FEZ2: variants seen among roughly 807,000 people sequenced by gnomAD.
FEZ2 encodes fasciculation and elongation protein zeta-2.
A neutral mutation model predicts 40.4 loss-of-function variants in FEZ2; 51 were observed. That is an observed-to-expected ratio of 1.26 (90% CI 1.01 to 1.59). The LOEUF (loss-of-function observed/expected upper bound fraction) is 1.59, where lower values mean the gene tolerates loss of function less well. Among genes scored for constraint, FEZ2 ranks in the 40% most tolerant of loss-of-function variants. The pLI is 0.00. For missense variants in FEZ2, 640 were observed against 438.3 expected (o/e 1.46, Z -4.11); for synonymous variants, 242 against 172.0 (o/e 1.41, Z -3.18).
At chr2:36,581,518 A>G in intron 3 of FEZ2, 87 bp from the exon 4 acceptor site, 1 of 1,171,448 alleles carries the variant, frequency 8.5e-7, no homozygotes, top group Middle Eastern at 2.0e-4. Flanking sequence ...AGGCACCCAG[A>G]GCAGAAATGC....
intron 2 of FEZ2, among the ~76,000 whole-genome samples, chr2:36,586,911 A>C (rs1668917516): frequency 6.6e-6 from 1 of 152,036 alleles, no homozygotes; most frequent in Admixed American, 6.6e-5. Flanking sequence ...GCGCCACTGT[A>C]CTCCAGCCTG....
chr2:36,581,498 T>C (rs566193808), intron 3 of FEZ2, 67 bp from the exon 4 acceptor site: 1 of 1,458,254 alleles, frequency 6.9e-7, no homozygotes, highest in East Asian at 2.3e-5. Context: ...TGGAACACAG[T>C]GCTCACCTAA....
chr2:36,565,998 T>A (rs1012240236), intron 5 of FEZ2, among the ~76,000 whole-genome samples: 4 of 152,188 alleles, frequency 2.6e-5, no homozygotes, highest in Non-Finnish European at 4.4e-5. Flanking sequence ...GGATGGTTCA[T>A]CATTCAATCT....
chr2:36,555,767 G>A lies in FEZ2; in HGVS notation c.980-19C>T, dbSNP rs774545070. 3.5e-6 allele frequency: 5 copies of A among 1,447,364 alleles called. No individual in the cohort carries two copies. In the African/African-American group the frequency reaches 5.8e-5, roughly 17 times the overall value. 89.7% of individuals were successfully genotyped at this position (1,447,364 alleles called of 1,614,324 possible). On this transcript the variant is annotated intron_variant, in intron 6 of 7. Transcript: ENST00000405912. ...CGAAGAACTGCAAAATAGAAGAGGGGAAAAAAGACAACAATTAAAAATTTA... is the reference window on the plus strand; with the variant it reads ...CGAAGAACTGCAAAATAGAAGAGGGAAAAAAAGACAACAATTAAAAATTTA...
chr2:36,576,453 T>A (rs1399547580), intron 5 of FEZ2, among the ~76,000 whole-genome samples: 1 of 152,116 alleles, frequency 6.6e-6, no homozygotes, highest in Non-Finnish European at 1.5e-5. Context: ...TATTTTTTAG[T>A]AGAAACGGAG....
chr2:36,559,035 A>G (rs1668027140), intron 5 of FEZ2: 1 of 152,218 alleles, frequency 6.6e-6, no homozygotes, highest in African/African-American at 2.4e-5. Context: ...TTCTTTCAGA[A>G]GCTAACAAAG....
At chr2:36,576,555 G>C (rs1424686894) in intron 5 of FEZ2, among the ~76,000 whole-genome samples, 1 of 152,222 alleles carries the variant, frequency 6.6e-6, no homozygotes, top group African/African-American at 2.4e-5. Context: ...ACAGGCGTGA[G>C]CCACCGCGCC....
chr2:36,571,586 T>C lies in FEZ2; in HGVS notation c.903+7011A>G, dbSNP rs1181100852. The stretch of plus-strand genomic sequence containing the variant: ...AGGAGAACCGCTTGAACCCAGGAGG[T>C]AGAGGCTGCAGTGGGCCCAGATGGC... On this transcript the variant is annotated intron_variant, in intron 5 of 7. Coordinates refer to ENST00000405912, the MANE Select transcript of FEZ2 (RefSeq NM_005102.3). 2.0e-5 allele frequency among the ~76,000 whole-genome samples: 3 copies of C among 148,516 alleles called. No individual in the cohort carries two copies. The East Asian group carries it at 6.1e-4, about 30-fold the overall frequency.
At chr2:36,597,756 G>C in intron 1 of FEZ2, 121 bp downstream of exon 1, 1 of 702,500 alleles carries the variant, frequency 1.4e-6, no homozygotes, top group Non-Finnish European at 2.0e-6. Flanking sequence ...AGGCGAGAGG[G>C]CGGGGACTCC....
At chr2:36,586,105 T>C (rs570254785) in intron 2 of FEZ2, among the ~76,000 whole-genome samples, 18 of 152,230 alleles carry the variant, frequency 1.2e-4, no homozygotes, top group Middle Eastern at 3.4e-3. Context: ...GAGACTAGGC[T>C]CTTGATGAGA....
At chr2:36,581,866 T>A (rs1668759718) in intron 3 of FEZ2, among the ~76,000 whole-genome samples, 1 of 152,092 alleles carries the variant, frequency 6.6e-6, no homozygotes, top group Admixed American at 6.5e-5. Context: ...TGACATAAAA[T>A]TTATAAAATA....
At position 36,583,359 on chromosome 2, in the gene FEZ2, T is replaced by C. The variant is rs780353747; in HGVS notation, c.486A>G (p.Ala162=). Residue 162 remains alanine, a synonymous_variant, in exon 3 of 8, where the codon GCA becomes GCG. Transcript: ENST00000405912. The stretch of plus-strand genomic sequence containing the variant: ...CTGAGGATCTCCTCTATACCTGGTC[T>C]GCCGTGAAGAGGGGTTCATCATTAA... The part of the protein sequence containing the change: ...SCVNDEPLFT[A]DQVIEEIEEM... 1 of 1,545,740 alleles carries C rather than the reference T, an allele frequency of 6.5e-7. No homozygotes were observed. Among genetic ancestry groups the C allele is most frequent in the South Asian group, 1.1e-5 (1 of 89,770 alleles).
At chr2:36,558,048 TA>T (rs775538869) in intron 6 of FEZ2, 19 of 154,672 alleles carry the variant, frequency 1.2e-4, no homozygotes, top group Non-Finnish European at 2.6e-4. Context: ...TCATAAGAAA[TA>T]AAAAGTGTTT....
chr2:36,594,764 G>A (rs935964175), intron 1 of FEZ2, among the ~76,000 whole-genome samples: 10 of 152,188 alleles, frequency 6.6e-5, no homozygotes, highest in African/African-American at 2.4e-4. Flanking sequence ...CAGAATTTGA[G>A]GAGTTTGCTT....
chr2:36,556,330 C>T (rs1667960877), intron 6 of FEZ2: 1 of 160,054 alleles, frequency 6.2e-6, no homozygotes. Flanking sequence ...GAATTAGCCT[C>T]ATTCTAATTT....
intron 2 of FEZ2, among the ~76,000 whole-genome samples, chr2:36,583,784 G>C (rs1668826880): frequency 6.6e-6 from 1 of 152,128 alleles, no homozygotes; most frequent in Non-Finnish European, 1.5e-5. Flanking sequence ...GGAGAATATG[G>C]GCAGGGTTAG....
In FEZ2 at chr2:36,552,688, T is replaced by C. The variant is rs1193242989; in HGVS notation, c.*475A>G. On this transcript the variant is annotated 3_prime_UTR_variant, in exon 8 of 8. Transcript: ENST00000405912. ...TGCTTCTTCAAGAACAGCCCGTTTA[T>C]TCTGTTTCAATCTCTCTGAACAATA... 3 of 202,062 alleles carry C rather than the reference T, an allele frequency of 1.5e-5. No individual in the cohort carries two copies. The highest frequency in any genetic ancestry group is 7.1e-5 in the African/African-American group (3 of 42,048). The allele number at this position is 202,062 out of a possible 1,614,324, so 12.5% of individuals were successfully genotyped here.
intron 5 of FEZ2, among the ~76,000 whole-genome samples, chr2:36,568,131 T>C (rs1411141690): frequency 3.3e-5 from 5 of 151,810 alleles, no homozygotes; most frequent in East Asian, 1.9e-4. Flanking sequence ...ATTTTCTCTA[T>C]GCTTAAATTT....
At chr2:36,574,577 G>A (rs556745792) in intron 5 of FEZ2, among the ~76,000 whole-genome samples, 8 of 152,016 alleles carry the variant, frequency 5.3e-5, no homozygotes, top group East Asian at 1.9e-4. Context: ...ACTCTGCATC[G>A]GACAGAGTCA....
Sources: gnomAD v4.1 joint callset for allele counts (sites outside exome capture counted in the v4.1 genomes callset) on GRCh38, gnomAD v4.1.1 for gene constraint, MANE v1.5 for transcripts, NCBI Gene and HGNC (gene_info 2026-07-23, HGNC 2026-07-21) for gene names.